The following EIF4G3 variants were observed in gnomAD, a reference collection of about 807,000 sequenced individuals.
The protein encoded by EIF4G3 is eukaryotic translation initiation factor 4 gamma 3.
Under a neutral mutation model 186.4 loss-of-function variants are expected in EIF4G3, and 34 were observed. That is an observed-to-expected ratio of 0.18 (90% CI 0.14 to 0.24). The LOEUF (loss-of-function observed/expected upper bound fraction) is 0.24, where lower values mean the gene tolerates loss of function less well. Ranked by LOEUF, EIF4G3 falls within the 10% of genes least tolerant of loss-of-function variation. The probability of loss-of-function intolerance (pLI) is 1.00; values close to 1 mark genes in which losing one functional copy is unlikely to be tolerated. For synonymous variants in EIF4G3, 673 were observed against 679.5 expected, an observed-to-expected ratio of 0.99 and a Z score of 0.15; for missense variants, 1,536 against 1,948.5, an observed-to-expected ratio of 0.79 and a Z score of 3.99.
chr1:21,050,932 T>A lies in EIF4G3; in HGVS notation c.-133A>T, dbSNP rs1378754458. 1 of 716,684 alleles carries A rather than the reference T, an allele frequency of 1.4e-6. No individual in the cohort carries two copies. Among genetic ancestry groups the A allele is most frequent in the Non-Finnish European group, 2.6e-6 (1 of 384,898 alleles). The allele number at this position is 716,684 out of a possible 1,614,324, so 44.4% of individuals were successfully genotyped here. A position where few individuals can be genotyped will look rare whatever the true frequency, so the allele number is the denominator to read the frequency against. The stretch of plus-strand genomic sequence containing the variant: ...CCGCAAGATTTGGATGCCCCTTGTT[T>A]ATTTCATGTGCTGAATAAGGGGATG... On this transcript the variant is annotated 5_prime_UTR_variant, in exon 4 of 37. The change abolishes the stop of an existing upstream ORF in the 5' untranslated region. Transcript: ENST00000602326.
At chr1:21,046,668 T>C (rs1349837032) in intron 4 of EIF4G3, among the ~76,000 whole-genome samples, 1 of 152,216 alleles carries the variant, frequency 6.6e-6, no homozygotes, top group African/African-American at 2.4e-5. Context: ...AAAAAATAGT[T>C]TCTTTGATCT....
chr1:20,811,519 T>C (rs2059242286), intron 35 of EIF4G3, among the ~76,000 whole-genome samples: 1 of 152,232 alleles, frequency 6.6e-6, no homozygotes, highest in Non-Finnish European at 1.5e-5. Flanking sequence ...TCTGAAATTA[T>C]TAATGAGACA....
chr1:20,874,681 T>C (rs1046880051), intron 20 of EIF4G3, among the ~76,000 whole-genome samples: 2 of 152,234 alleles, frequency 1.3e-5, no homozygotes, highest in Non-Finnish European at 2.9e-5. Context: ...TATTTATTTA[T>C]AGTATCTTTT....
At chr1:20,993,452 C>T (rs964884038) in intron 7 of EIF4G3, among the ~76,000 whole-genome samples, 5 of 152,112 alleles carry the variant, frequency 3.3e-5, no homozygotes, top group African/African-American at 1.2e-4. Flanking sequence ...TTTCTTTTCA[C>T]AAGCAATTAA....
At chr1:21,117,309 T>A (rs1310484352) in intron 2 of EIF4G3, among the ~76,000 whole-genome samples, 1 of 152,028 alleles carries the variant, frequency 6.6e-6, no homozygotes, top group African/African-American at 2.4e-5. Context: ...TGAATGAGTA[T>A]CAAGCACCAA....
chr1:20,812,856 A>C (rs535049504), intron 35 of EIF4G3, among the ~76,000 whole-genome samples: 10 of 152,326 alleles, frequency 6.6e-5, no homozygotes, highest in East Asian at 5.8e-4. Flanking sequence ...TGGAAGGAGG[A>C]GGCGGCCCTG....
At chr1:20,808,569 TA>T (rs753397345) in intron 36 of EIF4G3, among the ~76,000 whole-genome samples, 71 of 151,960 alleles carry the variant, frequency 4.7e-4, no homozygotes, top group Non-Finnish European at 7.1e-4. Flanking sequence ...TAGTCTCAGC[TA>T]CTAGGGAGGC....
chr1:21,155,279 A>AAAAAAAAG (rs1558220498), intron 2 of EIF4G3, among the ~76,000 whole-genome samples: 3 of 150,238 alleles, frequency 2.0e-5, no homozygotes, highest in African/African-American at 7.3e-5. Context: ...AAAAAAAAAA[A>AAAAAAAAG]AAAAAAAGAA....
At chr1:20,855,123 GT>G in intron 25 of EIF4G3, 52 bp from the exon 26 acceptor site, 2 of 1,400,108 alleles carry the variant, frequency 1.4e-6, no homozygotes, top group Non-Finnish European at 2.0e-6. Flanking sequence ...TAGAAGAATA[GT>G]TTTTCTTTTA....
At chr1:21,151,975 G>A (rs2097558870) in intron 2 of EIF4G3, among the ~76,000 whole-genome samples, 1 of 152,048 alleles carries the variant, frequency 6.6e-6, no homozygotes, top group Non-Finnish European at 1.5e-5. Context: ...ACTAAGCCTA[G>A]GGAAAAAGTG....
intron 2 of EIF4G3, among the ~76,000 whole-genome samples, chr1:21,165,270 G>C (rs952451740): frequency 6.6e-6 from 1 of 152,154 alleles, no homozygotes; most frequent in African/African-American, 2.4e-5. Flanking sequence ...AAACATTTTG[G>C]CAGCTCCTCC....
intron 20 of EIF4G3, among the ~76,000 whole-genome samples, chr1:20,875,305 TAA>T (rs1296125911): frequency 2.0e-5 from 3 of 152,176 alleles, no homozygotes; most frequent in Non-Finnish European, 2.9e-5. Context: ...TAAAAAAGAC[TAA>T]AGAGTATTGA....
At chr1:21,034,551 A>G (rs1256746804) in intron 4 of EIF4G3, among the ~76,000 whole-genome samples, 3 of 152,238 alleles carry the variant, frequency 2.0e-5, no homozygotes, top group African/African-American at 4.8e-5. Flanking sequence ...ATAAAACAGA[A>G]TTATAGTATG....
At chr1:20,884,876 G>C (rs1366715500) in intron 19 of EIF4G3, among the ~76,000 whole-genome samples, 2 of 152,164 alleles carry the variant, frequency 1.3e-5, no homozygotes, top group Non-Finnish European at 2.9e-5. Flanking sequence ...TTGGCACTAG[G>C]AACTGGTTTT....
chr1:20,964,017 T>G (rs2074059218), intron 12 of EIF4G3, among the ~76,000 whole-genome samples: 1 of 152,188 alleles, frequency 6.6e-6, no homozygotes, highest in Non-Finnish European at 1.5e-5. Flanking sequence ...CATCATGTAT[T>G]TATTTTTACA....
intron 19 of EIF4G3, among the ~76,000 whole-genome samples, chr1:20,883,004 C>T (rs373997434): frequency 2.0e-5 from 3 of 151,950 alleles, no homozygotes; most frequent in African/African-American, 7.2e-5. Flanking sequence ...ATCGCTTGAG[C>T]CCAGCAGGTC....
At chr1:20,944,408 G>A (rs1276244222) in intron 13 of EIF4G3, among the ~76,000 whole-genome samples, 2 of 151,948 alleles carry the variant, frequency 1.3e-5, no homozygotes, top group Non-Finnish European at 2.9e-5. Flanking sequence ...CCAGCTACTC[G>A]GGAGGCCAAG....
intron 20 of EIF4G3, among the ~76,000 whole-genome samples, chr1:20,874,610 C>A (rs937978114): frequency 3.6e-4 from 55 of 152,030 alleles, no homozygotes; most frequent in African/African-American, 1.3e-3. Context: ...ATCCTGGATT[C>A]TAATATTCTG....
intron 4 of EIF4G3, among the ~76,000 whole-genome samples, chr1:21,035,136 G>A (rs1174525357): frequency 6.6e-6 from 1 of 152,116 alleles, no homozygotes; most frequent in East Asian, 1.9e-4. Context: ...TGGCACAGCT[G>A]GGTAGGACCC....
Sources: gnomAD v4.1 joint callset for allele counts (sites outside exome capture counted in the v4.1 genomes callset) on GRCh38, gnomAD v4.1.1 for gene constraint, MANE v1.5 for transcripts, NCBI Gene and HGNC (gene_info 2026-07-23, HGNC 2026-07-21) for gene names.